Variants in TMEM135 observed in about 807,000 individuals in gnomAD.
TMEM135 encodes peroxisomal membrane protein 52.
In TMEM135, 30 loss-of-function variants were observed where a neutral mutation model predicts 60.3. The observed-to-expected ratio is 0.50, with a 90% CI of 0.37 to 0.68. TMEM135 has a LOEUF of 0.68. TMEM135 is among the 30% of genes least tolerant of loss of function. The probability of loss-of-function intolerance (pLI) is 0.00; values close to 1 mark genes in which losing one functional copy is unlikely to be tolerated. For missense variants in TMEM135, 468 were observed against 548.8 expected (o/e 0.85, Z 1.47); for synonymous variants, 190 against 186.7 (o/e 1.02, Z -0.14).
intron 6 of TMEM135, among the ~76,000 whole-genome samples, chr11:87,281,945 GT>G (rs1180875467): frequency 4.6e-5 from 7 of 152,238 alleles, no homozygotes; most frequent in African/African-American, 1.7e-4. Context: ...AACTTTTTTT[GT>G]TAAAAGGCAT....
At chr11:87,301,919 GT>G (rs1942456560) in intron 7 of TMEM135, among the ~76,000 whole-genome samples, 1 of 152,160 alleles carries the variant, frequency 6.6e-6, no homozygotes, top group African/African-American at 2.4e-5. Context: ...AATCCTGACT[GT>G]TTTCTGATTC....
At chr11:87,291,525 T>A (rs1440742710) in intron 6 of TMEM135, among the ~76,000 whole-genome samples, 10 of 105,626 alleles carry the variant, frequency 9.5e-5, no homozygotes, top group African/African-American at 3.2e-4. Flanking sequence ...ATTTTTTTTT[T>A]TTTTTTTTTT....
intron 6 of TMEM135, among the ~76,000 whole-genome samples, chr11:87,285,337 C>T (rs1942144045): frequency 6.6e-6 from 1 of 152,196 alleles, no homozygotes; most frequent in Admixed American, 6.5e-5. Context: ...CTTGGTCTCA[C>T]TGACTTCAAG....
chr11:87,315,974 TC>T (rs1942721634), intron 12 of TMEM135, among the ~76,000 whole-genome samples: 1 of 151,896 alleles, frequency 6.6e-6, no homozygotes, highest in African/African-American at 2.4e-5. Flanking sequence ...GACAATATAT[TC>T]CGGGCTCATC....
At chr11:87,187,093 T>C (rs1022301984) in intron 5 of TMEM135, among the ~76,000 whole-genome samples, 1 of 152,232 alleles carries the variant, frequency 6.6e-6, no homozygotes, top group Non-Finnish European at 1.5e-5. Context: ...CTCAAACTTA[T>C]TTTGACTTTG....
At chr11:87,264,998 A>G (rs1054162992) in intron 6 of TMEM135, among the ~76,000 whole-genome samples, 2 of 151,928 alleles carry the variant, frequency 1.3e-5, no homozygotes, top group African/African-American at 4.8e-5. Flanking sequence ...TAAATTGGCC[A>G]CAGTAATAAT....
rs543254852 is a variant in TMEM135 at position 87,315,173 on chromosome 11, C to T, written c.1077+626C>T. On this transcript the variant is annotated intron_variant, in intron 12 of 14. Transcript: ENST00000305494. ...CCTCCTCCTCCTCCTCCTCCTCTTC[C>T]TTCTCCTCCTCCTCCTTCTTCCTTG... Among the ~76,000 whole-genome samples the T allele has an allele frequency of 3.3e-5, 5 of 151,140 alleles. No individual in the cohort carries two copies. In the South Asian group the frequency reaches 1.0e-3, roughly 32 times the overall value.
At chr11:87,178,789 G>T (rs12794107) in intron 5 of TMEM135, among the ~76,000 whole-genome samples, 17,539 of 151,820 alleles carry the variant, frequency 0.12, 1,353 homozygotes, top group Non-Finnish European at 0.17. Context: ...TGACTGAATA[G>T]TATTCCATTG....
chr11:87,172,405 G>A (rs1939261362), intron 5 of TMEM135, among the ~76,000 whole-genome samples: 2 of 151,098 alleles, frequency 1.3e-5, no homozygotes, highest in Non-Finnish European at 1.5e-5. Flanking sequence ...TGCTGTTTTA[G>A]CAAGAAAGAA....
At position 87,037,995 on chromosome 11, in the gene TMEM135, C is replaced by G. The variant is rs755818522; in HGVS notation, c.-51C>G. On this transcript the variant is annotated 5_prime_UTR_variant, in exon 1 of 15. Transcript: ENST00000305494. ...GGCGGCTGGGCTCTCGCGCCCCTCC[C>G]TGCAGGGCTCAGGCTCTCCCCCTCC... is the stretch of plus-strand genomic sequence containing the variant. The G allele has an allele frequency of 3.1e-6, 5 of 1,610,990 alleles. No individual in the cohort carries two copies. Among genetic ancestry groups the G allele is most frequent in the East Asian group, 2.2e-5 (1 of 44,846 alleles).
At chr11:87,232,958 C>T (rs1038658923) in intron 5 of TMEM135, among the ~76,000 whole-genome samples, 1 of 152,150 alleles carries the variant, frequency 6.6e-6, no homozygotes, top group African/African-American at 2.4e-5. Flanking sequence ...TGAGACCAGC[C>T]TGGCTGACAT....
At chr11:87,275,374 A>G (rs1217903831) in intron 6 of TMEM135, among the ~76,000 whole-genome samples, 1 of 152,148 alleles carries the variant, frequency 6.6e-6, no homozygotes, top group Non-Finnish European at 1.5e-5. Flanking sequence ...TCTTGAGACC[A>G]AAGCCTGCCT....
At chr11:87,080,293 G>A (rs1443231005) in intron 3 of TMEM135, among the ~76,000 whole-genome samples, 2 of 151,608 alleles carry the variant, frequency 1.3e-5, no homozygotes, top group African/African-American at 4.9e-5. Flanking sequence ...TACTGGGAGG[G>A]CTCTCTTGTG....
intron 5 of TMEM135, among the ~76,000 whole-genome samples, chr11:87,167,585 G>GCACA (rs1939091488): frequency 6.6e-6 from 1 of 152,098 alleles, no homozygotes; most frequent in Non-Finnish European, 1.5e-5. Context: ...TTTGCCATTG[G>GCACA]TTCTGTTTAT....
chr11:87,137,720 A>C (rs1938142438), intron 4 of TMEM135, among the ~76,000 whole-genome samples: 1 of 148,444 alleles, frequency 6.7e-6, no homozygotes, highest in Non-Finnish European at 1.5e-5. Context: ...AGAAGATAGC[A>C]TGATGGGGGA....
At chr11:87,281,738 A>G (rs1157773696) in intron 6 of TMEM135, among the ~76,000 whole-genome samples, 1 of 152,202 alleles carries the variant, frequency 6.6e-6, no homozygotes, top group African/African-American at 2.4e-5. Flanking sequence ...AAGAAATATG[A>G]GTGGAAATGA....
At chr11:87,161,720 T>C (rs1051385080) in intron 5 of TMEM135, among the ~76,000 whole-genome samples, 2 of 152,208 alleles carry the variant, frequency 1.3e-5, no homozygotes, top group Non-Finnish European at 2.9e-5. Context: ...GATTTGTCTA[T>C]TGTGGCTCTA....
intron 1 of TMEM135, among the ~76,000 whole-genome samples, chr11:87,058,642 CAG>C (rs1949916515): frequency 6.6e-6 from 1 of 151,590 alleles, no homozygotes; most frequent in Non-Finnish European, 1.5e-5. Context: ...TTATTTTTGA[CAG>C]AGTCTTGCTC....
At chr11:87,067,234 T>TATA (rs1856684820) in intron 1 of TMEM135, among the ~76,000 whole-genome samples, 1 of 147,174 alleles carries the variant, frequency 6.8e-6, no homozygotes, top group Non-Finnish European at 1.5e-5. Flanking sequence ...ATATATATAT[T>TATA]TTTTTTTCTT....
Sources: gnomAD v4.1 joint callset for allele counts (sites outside exome capture counted in the v4.1 genomes callset) on GRCh38, gnomAD v4.1.1 for gene constraint, MANE v1.5 for transcripts, NCBI Gene and HGNC (gene_info 2026-07-23, HGNC 2026-07-21) for gene names.